Variants in CUX2 observed in about 807,000 individuals in gnomAD.
CUX2 encodes cut like homeobox 2, also known as homeobox protein cut-like 2.
Under a neutral mutation model 144.8 loss-of-function variants are expected in CUX2, and 40 were observed. The observed-to-expected ratio is 0.28, with a 90% CI of 0.21 to 0.36. The LOEUF (loss-of-function observed/expected upper bound fraction) is 0.36. CUX2 is among the 10% of genes least tolerant of loss of function. The pLI is 1.00. For synonymous variants in CUX2, 827 were observed against 875.6 expected, an observed-to-expected ratio of 0.94 and a Z score of 0.98; for missense variants, 1,615 against 1,994.0, an observed-to-expected ratio of 0.81 and a Z score of 3.62.
At chr12:111,119,849 G>A (rs145051008) in intron 1 of CUX2, among the ~76,000 whole-genome samples, 1,537 of 152,388 alleles carry the variant, frequency 0.01, 20 homozygotes, top group African/African-American at 0.035. Flanking sequence ...CCTGAGGTCA[G>A]GAGTTCGAGA....
chr12:111,089,756 G>A (rs80147930), intron 1 of CUX2, among the ~76,000 whole-genome samples: 1,928 of 152,338 alleles, frequency 0.013, 43 homozygotes, highest in African/African-American at 0.044. Context: ...AGGTCAGAGA[G>A]TGCAGGTGCT....
chr12:111,135,343 G>A (rs759147177), intron 1 of CUX2, among the ~76,000 whole-genome samples: 6 of 152,078 alleles, frequency 3.9e-5, no homozygotes, highest in African/African-American at 9.7e-5. Context: ...TGAGGATATC[G>A]GGGAAAGGGC....
rs1873085994 is a variant in CUX2 at position 111,099,716 on chromosome 12, T to C, written c.63+65476T>C. On this transcript the variant is annotated intron_variant, in intron 1 of 21. Transcript: ENST00000261726. ...CCAGTCTCTCTGATCACCTATTGGGTTTATTGGGCGCCGAAACTGGGGCCT... is the reference window on the plus strand; with the variant it reads ...CCAGTCTCTCTGATCACCTATTGGGCTTATTGGGCGCCGAAACTGGGGCCT... The C allele has an allele frequency of 2.4e-5, 11 of 456,068 alleles. 1 individual carries two copies. The highest frequency in any genetic ancestry group is 1.7e-4 in the South Asian group (11 of 64,534). 28.3% of individuals were successfully genotyped at this position (456,068 alleles called of 1,614,324 possible). A position where few individuals can be genotyped will look rare whatever the true frequency, so the allele number is the denominator to read the frequency against.
intron 1 of CUX2, among the ~76,000 whole-genome samples, chr12:111,188,047 G>A (rs1006887953): frequency 3.3e-5 from 5 of 152,278 alleles, no homozygotes; most frequent in African/African-American, 1.2e-4. Context: ...TGGCCAGGCT[G>A]TGTGGCATAG....
intron 1 of CUX2, among the ~76,000 whole-genome samples, chr12:111,058,829 T>C (rs952197495): frequency 2.0e-5 from 3 of 152,048 alleles, no homozygotes; most frequent in Admixed American, 6.5e-5. Flanking sequence ...ATAGACAGAG[T>C]AGGACATTCC....
chr12:111,150,600 G>C (rs116099903), intron 1 of CUX2, among the ~76,000 whole-genome samples: 2,673 of 152,254 alleles, frequency 0.018, 71 homozygotes, highest in African/African-American at 0.059. Flanking sequence ...GGAATAAGGA[G>C]CCTGAAATCT....
At position 111,348,174 on chromosome 12, in the gene CUX2, C is replaced by G. The variant is rs1428597474; in HGVS notation, c.4310C>G (p.Pro1437Arg). 6.2e-7 allele frequency: 1 copy of G among 1,614,154 alleles called. No homozygotes were observed. Among genetic ancestry groups the G allele is most frequent in the African/African-American group, 1.3e-5 (1 of 75,046 alleles). Reference protein sequence around the residue: ...APPAKVPSASPTADMAGALHP... With the variant: ...APPAKVPSASRTADMAGALHP... ...CCTGCCAAAGTGCCGAGTGCCAGCC[C>G]CACTGCTGACATGGCTGGAGCCTTG... The change falls in exon 22 of 22, where the codon CCC becomes CGC. Residue 1437 changes from proline (P) to arginine (R), a missense_variant. Pro to Arg is a moderately radical substitution (Grantham distance 103). Transcript: ENST00000261726.
intron 1 of CUX2, among the ~76,000 whole-genome samples, chr12:111,148,405 G>A (rs934664617): frequency 2.0e-5 from 3 of 152,122 alleles, no homozygotes; most frequent in African/African-American, 4.8e-5. Flanking sequence ...CGTGTTTGAT[G>A]GGTACAGGAT....
At chr12:111,211,291 G>A (rs1437402846) in intron 1 of CUX2, among the ~76,000 whole-genome samples, 1 of 152,160 alleles carries the variant, frequency 6.6e-6, no homozygotes, top group Admixed American at 6.5e-5. Context: ...TTGCAGTGGG[G>A]TCAGGGTGAG....
intron 1 of CUX2, among the ~76,000 whole-genome samples, chr12:111,081,246 C>T (rs935287354): frequency 1.3e-5 from 2 of 152,188 alleles, no homozygotes; most frequent in African/African-American, 4.8e-5. Flanking sequence ...GTCCAGCTTT[C>T]TCGAGCGGTG....
chr12:111,042,721 T>C (rs922401954), intron 1 of CUX2, among the ~76,000 whole-genome samples: 1 of 151,934 alleles, frequency 6.6e-6, no homozygotes, highest in Admixed American at 6.6e-5. Flanking sequence ...AGCCTCAACC[T>C]TCTAGGCTCA....
At position 111,347,542 on chromosome 12, in the gene CUX2, G is replaced by A. The variant is rs1460020989; in HGVS notation, c.3678G>A (p.Glu1226=). The A allele has an allele frequency of 6.2e-7, 1 of 1,603,422 alleles. No individual in the cohort carries two copies. The part of the protein sequence containing the change: ...FHNYRSRMRR[E]MLVEGTQDEP... ...GCCCCAGGTCCCGGATGCGCCGGGA[G>A]ATGTTGGTGGAGGGGACCCAGGATG... Residue 1226 remains glutamate (E), a synonymous_variant, in exon 22 of 22, where the codon GAG becomes GAA. Coordinates refer to ENST00000261726, the MANE Select transcript of CUX2 (RefSeq NM_015267.4).
chr12:111,300,111 T>G (rs1243994881), intron 9 of CUX2, among the ~76,000 whole-genome samples: 1 of 152,186 alleles, frequency 6.6e-6, no homozygotes, highest in Non-Finnish European at 1.5e-5. Flanking sequence ...ATATATCTAT[T>G]TTAACCAGCG....
At chr12:111,259,721 A>T (rs927117545) in intron 3 of CUX2, among the ~76,000 whole-genome samples, 2 of 149,716 alleles carry the variant, frequency 1.3e-5, no homozygotes, top group Non-Finnish European at 3.0e-5. Context: ...AAGATTAGCC[A>T]GGTGTGTGGT....
chr12:111,039,098 G>A lies in CUX2; in HGVS notation c.63+4858G>A, dbSNP rs1413966258. On this transcript the variant is annotated intron_variant, in intron 1 of 21. Coordinates refer to ENST00000261726, the MANE Select transcript of CUX2 (RefSeq NM_015267.4). This position sits in a 1 kb window ranked among gnomAD's most constrained non-coding sequence, Gnocchi z 4.2. ...TGCTAAATATATGGTCCTGGATGAT[G>A]GTAGACAAGGCTGCCCAGAAACTGT... Among the ~76,000 whole-genome samples the A allele has an allele frequency of 6.6e-6, 1 of 152,122 alleles. No homozygotes were observed. The highest frequency in any genetic ancestry group is 1.9e-4 in the East Asian group (1 of 5,196).
chr12:111,336,859 TGC>T (rs1347811606), intron 19 of CUX2, among the ~76,000 whole-genome samples: 17 of 152,180 alleles, frequency 1.1e-4, no homozygotes, highest in Admixed American at 5.9e-4. Flanking sequence ...ATACAAATAT[TGC>T]GTTGCAACTT....
chr12:111,282,689 C>T (rs1047706638), intron 4 of CUX2, among the ~76,000 whole-genome samples: 8 of 151,840 alleles, frequency 5.3e-5, no homozygotes, highest in Non-Finnish European at 1.2e-4. Context: ...AAATTTACTT[C>T]CCCACGGTGG....
In CUX2 at chr12:111,160,122, C is replaced by T. The variant is rs933053847; in HGVS notation, c.64-54078C>T. 7.2e-5 allele frequency among the ~76,000 whole-genome samples: 11 copies of T among 152,136 alleles called. No homozygotes were observed. Among genetic ancestry groups the T allele is most frequent in the Middle Eastern group, 3.2e-3 (1 of 316 alleles). Reference sequence around the variant, plus strand: ...CATTGAGCTCCTGCTGGGTGCTGGGCGCTGGGAATACAGCAATGAACAGAA... The same window carrying T: ...CATTGAGCTCCTGCTGGGTGCTGGGTGCTGGGAATACAGCAATGAACAGAA... On this transcript the variant is annotated intron_variant, in intron 1 of 21. Coordinates refer to ENST00000261726, the MANE Select transcript of CUX2 (RefSeq NM_015267.4). The surrounding 1 kb of genome is among the most constrained non-coding windows in gnomAD (Gnocchi z 4.1).
At chr12:111,144,406 T>C (rs1876529663) in intron 1 of CUX2, among the ~76,000 whole-genome samples, 1 of 152,212 alleles carries the variant, frequency 6.6e-6, no homozygotes. Flanking sequence ...GCCTGGCCTT[T>C]ATCCATGATC....
Sources: allele counts gnomAD v4.1 joint callset (sites outside exome capture counted in the v4.1 genomes callset), GRCh38; gene constraint gnomAD v4.1.1; non-coding constraint Gnocchi (gnomAD v3.1); transcripts MANE v1.5; gene names NCBI Gene and HGNC (gene_info 2026-07-23, HGNC 2026-07-21).